The following TEKT5 variants were observed in gnomAD, a reference collection of about 807,000 sequenced individuals.
TEKT5 encodes the protein tektin 5.
In TEKT5, 52 loss-of-function variants were observed where a neutral mutation model predicts 48.7. The ratio of observed to expected loss-of-function variants is 1.07; its 90% CI spans 0.86 to 1.35. The LOEUF is 1.35. Among genes scored for constraint, TEKT5 ranks in the 40% most tolerant of loss-of-function variants. The pLI, the probability that TEKT5 is intolerant of heterozygous loss-of-function variation, is 0.00. For synonymous variants in TEKT5, 318 were observed against 267.6 expected (o/e 1.19, Z -1.84); for missense variants, 831 against 641.6 (o/e 1.30, Z -3.19).
intron 5 of TEKT5, among the ~76,000 whole-genome samples, chr16:10,657,564 T>C (rs967006414): frequency 2.0e-5 from 3 of 151,950 alleles, no homozygotes; most frequent in Non-Finnish European, 4.4e-5. Flanking sequence ...TTAAGTCACG[T>C]TGTAGAAAAG....
At chr16:10,637,485 A>G (rs1156700055) in intron 5 of TEKT5, among the ~76,000 whole-genome samples, 1 of 108,712 alleles carries the variant, frequency 9.2e-6, no homozygotes, top group African/African-American at 5.2e-5. Context: ...GGAGGGAGAA[A>G]GGAAGGCAAG....
chr16:10,653,999 C>CGT lies in TEKT5; in HGVS notation c.1087-18083_1087-18082dup, dbSNP rs368206992. On this transcript the variant is annotated intron_variant, in intron 5 of 6. Transcript: ENST00000283025. ...CTAAGTAAAATTGTGTGTGTGTGAA[C>CGT]GTGTGTGTGTGTGTGCATGTGTGTG... 7.1e-3 allele frequency among the ~76,000 whole-genome samples: 1,065 copies of CGT among 149,712 alleles called. 13 individuals carry two copies. Among genetic ancestry groups the CGT allele is most frequent in the African/African-American group, 0.025 (1,018 of 39,996 alleles).
intron 4 of TEKT5, among the ~76,000 whole-genome samples, chr16:10,678,332 C>T (rs750185708): frequency 6.6e-5 from 10 of 152,060 alleles, no homozygotes; most frequent in Non-Finnish European, 1.3e-4. Context: ...CTCTTGACGT[C>T]GTGATTCGCC....
At position 10,689,981 on chromosome 16, in the gene TEKT5, A is replaced by C; in HGVS notation, c.609T>G (p.Ile203Met). 1 of 1,613,728 alleles carries C rather than the reference A, an allele frequency of 6.2e-7. No individual in the cohort carries two copies. The highest frequency in any genetic ancestry group is 2.2e-5 in the East Asian group (1 of 44,866). ...TCTCCACGTTGTCATGGACCAAATC[A>C]ATCCCAATCCTCTTCTCTCGATGGT... ...CLYHREKRIG[I>M]DLVHDNVEKN... The change falls in exon 2 of 7, where the codon ATT becomes ATG. Residue 203 changes from isoleucine to methionine, a missense_variant. Transcript: ENST00000283025.
At position 10,690,637 on chromosome 16, in the gene TEKT5, G is replaced by A. The variant is rs184525328; in HGVS notation, c.565-612C>T. The A allele has an allele frequency of 8.5e-5, 84 of 985,428 alleles. 2 individuals are homozygous for A. The East Asian group carries it at 8.3e-3, about 97-fold the overall frequency. The allele number at this position is 985,428 out of a possible 1,614,324, so 61.0% of individuals were successfully genotyped here. ...AAAACCCCTCTTTGCAGATCTCCCAGTGGAGGGACAGTTTGGGGAAGTGGT... is the reference window on the plus strand; with the variant it reads ...AAAACCCCTCTTTGCAGATCTCCCAATGGAGGGACAGTTTGGGGAAGTGGT... On this transcript the variant is annotated intron_variant, in intron 1 of 6. Coordinates refer to ENST00000283025, the MANE Select transcript of TEKT5 (RefSeq NM_144674.2).
chr16:10,644,969 A>C (rs994737709), intron 5 of TEKT5, among the ~76,000 whole-genome samples: 3 of 152,168 alleles, frequency 2.0e-5, no homozygotes, highest in Non-Finnish European at 4.4e-5. Context: ...CCTTTATAAG[A>C]AGAGGCTACT....
intron 5 of TEKT5, among the ~76,000 whole-genome samples, chr16:10,657,211 C>T (rs1038320336): frequency 1.3e-5 from 2 of 151,368 alleles, no homozygotes; most frequent in African/African-American, 4.9e-5. Flanking sequence ...CTGCAACCTC[C>T]GTTTGCCAGG....
At chr16:10,677,334 A>T (rs1251683339) in intron 4 of TEKT5, among the ~76,000 whole-genome samples, 1 of 144,510 alleles carries the variant, frequency 6.9e-6, no homozygotes, top group African/African-American at 2.8e-5. Context: ...GAAGTGCTGA[A>T]TGTGATGGCT....
At chr16:10,637,380 T>C in intron 5 of TEKT5, among the ~76,000 whole-genome samples, 1 of 140,076 alleles carries the variant, frequency 7.1e-6, no homozygotes, top group South Asian at 2.2e-4. Flanking sequence ...TCTTAATAAC[T>C]AGATCAGTGA....
At chr16:10,630,241 AT>A (rs555943042) in intron 6 of TEKT5, among the ~76,000 whole-genome samples, 164 of 144,496 alleles carry the variant, frequency 1.1e-3, no homozygotes, top group Admixed American at 2.8e-3. Flanking sequence ...GCTGATTTTA[AT>A]TTTTTTTTTT....
intron 5 of TEKT5, among the ~76,000 whole-genome samples, chr16:10,653,856 T>G (rs114580489): frequency 0.03 from 4,546 of 152,218 alleles, 227 homozygotes; most frequent in African/African-American, 0.1. Flanking sequence ...AAATTTGCAG[T>G]GAGCCGAGAC....
At position 10,689,939 on chromosome 16, in the gene TEKT5, T is replaced by C. The variant is rs1898938475; in HGVS notation, c.648+3A>G. ...GGCTGGGCAGAACCAGGAGATGCCTTACCCGGATAAGGTTTTTCTCCACGT... is the reference window on the plus strand; with the variant it reads ...GGCTGGGCAGAACCAGGAGATGCCTCACCCGGATAAGGTTTTTCTCCACGT... On this transcript the variant is annotated splice_donor_region_variant and intron_variant, in intron 2 of 6. Transcript: ENST00000283025. The C allele has an allele frequency of 6.2e-7, 1 of 1,613,928 alleles. No homozygotes were observed. The highest frequency in any genetic ancestry group is 8.5e-7 in the Non-Finnish European group (1 of 1,180,012).
rs185482389 is a variant in TEKT5, at chr16:10,673,851, T to C, written c.1086+2108A>G. Among the ~76,000 whole-genome samples, 6 of 151,870 alleles carry C rather than the reference T, an allele frequency of 4.0e-5. No individual in the cohort carries two copies. In the East Asian group the frequency reaches 1.2e-3, roughly 29 times the overall value. On this transcript the variant is annotated intron_variant, in intron 5 of 6. Transcript: ENST00000283025. The stretch of plus-strand genomic sequence containing the variant: ...ATTTTTAGTAGAGATGGAGTTTCAC[T>C]ATCTTGGCCAGGCTGGTCTCGAACT...
intron 4 of TEKT5, among the ~76,000 whole-genome samples, chr16:10,678,702 A>T (rs1898692876): frequency 6.6e-6 from 1 of 152,210 alleles, no homozygotes; most frequent in Non-Finnish European, 1.5e-5. Context: ...ATTTACTTTG[A>T]GTGTCTCTGT....
chr16:10,683,794 T>C (rs1368691945), intron 3 of TEKT5, among the ~76,000 whole-genome samples: 1 of 152,218 alleles, frequency 6.6e-6, no homozygotes, highest in Non-Finnish European at 1.5e-5. Context: ...GGTTTCATCA[T>C]GTTAGCCAGG....
rs769321984 is a variant in TEKT5 at position 10,655,951 on chromosome 16, T to C, written c.1086+20008A>G. Reference sequence around the variant, plus strand: ...GTTATTTGGGGTCTTCTATTACATGTGGCTGAACCTAATCCCAAATGAGTT... The same window carrying C: ...GTTATTTGGGGTCTTCTATTACATGCGGCTGAACCTAATCCCAAATGAGTT... On this transcript the variant is annotated intron_variant, in intron 5 of 6. Transcript: ENST00000283025. 3.3e-5 allele frequency among the ~76,000 whole-genome samples: 5 copies of C among 152,360 alleles called. No homozygotes were observed. In the South Asian group the frequency reaches 1.0e-3, roughly 32 times the overall value.
chr16:10,651,451 C>A (rs1026041030), intron 5 of TEKT5, among the ~76,000 whole-genome samples: 2 of 152,192 alleles, frequency 1.3e-5, no homozygotes, highest in African/African-American at 4.8e-5. Context: ...GTCTGTTTTG[C>A]TCCCTTCTGA....
chr16:10,689,357 C>G (rs1218702435), intron 2 of TEKT5, 34 bp from the exon 3 acceptor site: 4 of 1,564,600 alleles, frequency 2.6e-6, no homozygotes, highest in Non-Finnish European at 3.5e-6. Context: ...AGCAGTGCCT[C>G]TTAGAACCTC....
In TEKT5 at chr16:10,636,069, C is replaced by T. The variant is rs541529138; in HGVS notation, c.1087-151G>A. 91 of 1,229,898 alleles carry T rather than the reference C, an allele frequency of 7.4e-5. 1 individual carries two copies. In the East Asian group the frequency reaches 1.8e-3, roughly 24 times the overall value. 76.2% of individuals were successfully genotyped at this position (1,229,898 alleles called of 1,614,324 possible). A position where few individuals can be genotyped will look rare whatever the true frequency, so the allele number is the denominator to read the frequency against. On this transcript the variant is annotated intron_variant, in intron 5 of 6. Transcript: ENST00000283025. ...CCTTGAGCACCTTTAGGGCAGGAAG[C>T]TCACCCTTCCTAAGAAACCTTGAGG... is the stretch of plus-strand genomic sequence containing the variant.
Sources: allele counts gnomAD v4.1 joint callset (sites outside exome capture counted in the v4.1 genomes callset), GRCh38; gene constraint gnomAD v4.1.1; transcripts MANE v1.5; gene names NCBI Gene and HGNC (gene_info 2026-07-23, HGNC 2026-07-21).